Variants in CDH23 observed in about 807,000 individuals in gnomAD.
CDH23 encodes cadherin related 23.
CDH23 carries 189 observed loss-of-function variants against 317.1 expected under a neutral mutation model. The observed-to-expected ratio is 0.60, with a 90% CI of 0.53 to 0.67. The LOEUF (loss-of-function observed/expected upper bound fraction) is 0.67. Ranked by LOEUF, CDH23 falls within the 30% of genes least tolerant of loss-of-function variation. CDH23 has a pLI of 0.00. For synonymous variants in CDH23, 1,839 were observed against 1,876.8 expected (o/e 0.98, Z 0.52); for missense variants, 4,401 against 4,592.4 (o/e 0.96, Z 1.20).
chr10:71,513,489 CT>C, intron 6 of CDH23, among the ~76,000 whole-genome samples: 1 of 152,284 alleles, frequency 6.6e-6, no homozygotes, highest in South Asian at 2.1e-4. Context: ...GCAAAGGGCC[CT>C]GCAAATGTGA....
chr10:71,778,712 G>A (rs186082950), intron 40 of CDH23, among the ~76,000 whole-genome samples: 1 of 152,272 alleles, frequency 6.6e-6, no homozygotes, highest in Non-Finnish European at 1.5e-5. Flanking sequence ...ATGAAACCAC[G>A]TAAGACAACC....
chr10:71,680,954 G>A lies in CDH23; in HGVS notation c.1858+1462G>A, dbSNP rs962098713. Reference sequence around the variant, plus strand: ...TACAATTCTCCAGCCTCAGCCTCCCGAGTAGCTGGGATTACAGTCGTGCCA... The same window carrying A: ...TACAATTCTCCAGCCTCAGCCTCCCAAGTAGCTGGGATTACAGTCGTGCCA... On this transcript the variant is annotated intron_variant, in intron 17 of 69. Coordinates refer to ENST00000224721, the MANE Select transcript of CDH23 (RefSeq NM_022124.6). 2.0e-5 allele frequency among the ~76,000 whole-genome samples: 3 copies of A among 146,724 alleles called. No individual in the cohort carries two copies. In the Admixed American group the frequency reaches 2.1e-4, roughly 10 times the overall value.
At chr10:71,809,620 T>A (rs910215085) in intron 60 of CDH23, among the ~76,000 whole-genome samples, 200 bp from the exon 61 acceptor site, 2 of 152,194 alleles carry the variant, frequency 1.3e-5, no homozygotes, top group African/African-American at 2.4e-5. Context: ...CCTGTGATGA[T>A]AACCGGCTGA....
intron 1 of CDH23, among the ~76,000 whole-genome samples, chr10:71,422,653 G>C (rs1226039200): frequency 5.9e-5 from 9 of 152,194 alleles, no homozygotes; most frequent in Non-Finnish European, 1.0e-4. Flanking sequence ...TGAGGAGCTA[G>C]GCCCCCTGGG....
intron 3 of CDH23, among the ~76,000 whole-genome samples, chr10:71,458,627 T>G (rs199552859): frequency 6.6e-6 from 1 of 152,228 alleles, no homozygotes; most frequent in Non-Finnish European, 1.5e-5. Context: ...TTAGCAAGTG[T>G]GGACTGTATC....
chr10:71,586,272 T>C lies in CDH23; in HGVS notation c.832+8280T>C, dbSNP rs182962725. Among the ~76,000 whole-genome samples, 39 of 152,336 alleles carry C rather than the reference T, an allele frequency of 2.6e-4. No individual in the cohort carries two copies. In the South Asian group the frequency reaches 6.0e-3, roughly 23 times the overall value. On this transcript the variant is annotated intron_variant, in intron 9 of 69. Coordinates refer to ENST00000224721, the MANE Select transcript of CDH23 (RefSeq NM_022124.6). ...GTCAACAGGAACTTGTCTTTTTTTC[T>C]TTTTTGTTTCTTTTCTGCTTTTTCC...
chr10:71,740,806 G>A lies in CDH23; in HGVS notation c.4489-16G>A, dbSNP rs919856736. 1 of 1,613,592 alleles carries A rather than the reference G, an allele frequency of 6.2e-7. No homozygotes were observed. Among genetic ancestry groups the A allele is most frequent in the African/African-American group, 1.3e-5 (1 of 75,044 alleles). On this transcript the variant is annotated splice_polypyrimidine_tract_variant and intron_variant, in intron 36 of 69. Transcript: ENST00000224721. The stretch of plus-strand genomic sequence containing the variant: ...CCACGCTTTAGCCCTGACTCCAGTT[G>A]CCCTCCTCCTTGCAGGTTGTGGCTT...
At chr10:71,738,789 T>G (rs1312979441) in intron 35 of CDH23, 142 bp downstream of exon 35, 2 of 1,131,696 alleles carry the variant, frequency 1.8e-6, no homozygotes, top group African/African-American at 3.1e-5. Context: ...ACCCAGTCTG[T>G]GGTCAGGGAG....
intron 38 of CDH23, among the ~76,000 whole-genome samples, chr10:71,746,603 C>G (rs1176245332): frequency 6.6e-6 from 1 of 152,148 alleles, no homozygotes; most frequent in South Asian, 2.1e-4. Flanking sequence ...CAGGGAGGCC[C>G]CTGCAAAGGA....
At chr10:71,643,732 G>T in intron 11 of CDH23, 129 bp from the exon 12 acceptor site, 1 of 678,056 alleles carries the variant, frequency 1.5e-6, no homozygotes, top group Non-Finnish European at 2.7e-6. Flanking sequence ...TCTAGGGTGT[G>T]ATCCTGGGGT....
At chr10:71,576,457 C>T (rs933623058) in intron 8 of CDH23, among the ~76,000 whole-genome samples, 1 of 151,828 alleles carries the variant, frequency 6.6e-6, no homozygotes, top group East Asian at 1.9e-4. Flanking sequence ...CCCACAAGAG[C>T]GCAGGGCATG....
intron 19 of CDH23, among the ~76,000 whole-genome samples, chr10:71,688,974 AGGG>A (rs375750808): frequency 4.9e-5 from 1 of 20,560 alleles, no homozygotes; most frequent in African/African-American, 1.9e-4. Flanking sequence ...GGTGGAGTCC[AGGG>A]GTGGTGGAGT....
At chr10:71,744,673 G>C (rs942104018) in intron 38 of CDH23, among the ~76,000 whole-genome samples, 3 of 152,170 alleles carry the variant, frequency 2.0e-5, no homozygotes, top group African/African-American at 4.8e-5. Context: ...TCCCCGGTGA[G>C]AGCAGGAGAA....
chr10:71,762,920 A>G (rs548083371), intron 38 of CDH23, among the ~76,000 whole-genome samples: 3 of 152,298 alleles, frequency 2.0e-5, no homozygotes, highest in Non-Finnish European at 4.4e-5. Context: ...CCTTATCCCA[A>G]TCCTCCAGCA....
intron 3 of CDH23, among the ~76,000 whole-genome samples, chr10:71,449,868 G>A (rs572148057): frequency 1.1e-4 from 16 of 152,328 alleles, no homozygotes; most frequent in South Asian, 8.3e-4. Flanking sequence ...CAGAGCCTAC[G>A]TGTTCATTAC....
chr10:71,693,848 G>T (rs955270005), intron 20 of CDH23, among the ~76,000 whole-genome samples: 1 of 152,158 alleles, frequency 6.6e-6, no homozygotes, highest in African/African-American at 2.4e-5. Flanking sequence ...CTCCTGCCCT[G>T]TTCTCCAGCC....
intron 11 of CDH23, among the ~76,000 whole-genome samples, chr10:71,631,208 A>T (rs973415315): frequency 1.3e-5 from 2 of 152,210 alleles, no homozygotes; most frequent in Non-Finnish European, 2.9e-5. Context: ...ACACCACTGC[A>T]CTCCAGCCTG....
chr10:71,596,370 G>A (rs1043808076), intron 9 of CDH23, among the ~76,000 whole-genome samples: 4 of 152,160 alleles, frequency 2.6e-5, no homozygotes, highest in African/African-American at 9.7e-5. Flanking sequence ...GCAGAGCCAG[G>A]ATTCGAACCC....
In CDH23 at chr10:71,625,983, C is replaced by T. The variant is rs144418695; in HGVS notation, c.1134+8590C>T. Among the ~76,000 whole-genome samples the T allele has an allele frequency of 7.4e-4, 112 of 152,362 alleles. 4 individuals carry two copies. The East Asian group carries it at 0.01, about 14-fold the overall frequency. On this transcript the variant is annotated intron_variant, in intron 11 of 69. Coordinates refer to ENST00000224721, the MANE Select transcript of CDH23 (RefSeq NM_022124.6). ...AGACATCTCAGATATTTTCATATCA[C>T]GTTACAGGTGTCACAGAAATCTCAA... is the stretch of plus-strand genomic sequence containing the variant.
Sources: gnomAD v4.1 joint callset for allele counts (sites outside exome capture counted in the v4.1 genomes callset) on GRCh38, gnomAD v4.1.1 for gene constraint, MANE v1.5 for transcripts, NCBI Gene and HGNC (gene_info 2026-07-23, HGNC 2026-07-21) for gene names.